LPA: variants seen among roughly 807,000 people sequenced by gnomAD.
LPA encodes the protein lipoprotein(a), also known as apolipoprotein(a).
Under a neutral mutation model 197.9 loss-of-function variants are expected in LPA, and 199 were observed. That is an observed-to-expected ratio of 1.01 (90% confidence interval 0.90 to 1.13). The LOEUF (loss-of-function observed/expected upper bound fraction) is 1.13. Among genes scored for constraint, LPA ranks in the 50% most tolerant of loss-of-function variants. The pLI, the probability that LPA is intolerant of heterozygous loss-of-function variation, is 0.00. For synonymous variants in LPA, 715 were observed against 639.5 expected, an observed-to-expected ratio of 1.12 and a Z score of -1.78; for missense variants, 1,853 against 1,785.8, an observed-to-expected ratio of 1.04 and a Z score of -0.68.
intron 1 of LPA, among the ~76,000 whole-genome samples, chr6:160,652,368 A>C (rs746093227): frequency 3.9e-5 from 6 of 152,176 alleles, no homozygotes; most frequent in Non-Finnish European, 8.8e-5. Context: ...GAAACTATTC[A>C]AAACGGAATA....
chr6:160,557,768 A>G (rs1778290425), intron 28 of LPA, among the ~76,000 whole-genome samples, 197 bp from the exon 29 acceptor site: 1 of 152,152 alleles, frequency 6.6e-6, no homozygotes, highest in Non-Finnish European at 1.5e-5. Flanking sequence ...ATAGATTATA[A>G]TTTTTATTTT....
intron 24 of LPA, among the ~76,000 whole-genome samples, chr6:160,588,539 A>C (rs1401680651): frequency 6.6e-6 from 1 of 152,038 alleles, no homozygotes; most frequent in Non-Finnish European, 1.5e-5. Context: ...TTCTTTCCCA[A>C]GTAGCTTTTC....
At chr6:160,540,233 G>GATAC in intron 35 of LPA, 50 bp from the exon 36 acceptor site, 1 of 1,611,794 alleles carries the variant, frequency 6.2e-7, no homozygotes. Context: ...GCCCCTTCAG[G>GATAC]TATCCTCTGT....
intron 16 of LPA, among the ~76,000 whole-genome samples, chr6:160,609,406 C>G (rs1216249328): frequency 6.6e-6 from 1 of 152,106 alleles, no homozygotes. Flanking sequence ...CAATTTGTAT[C>G]ACTGTACTCT....
At chr6:160,571,415 T>C (rs982048227) in intron 28 of LPA, among the ~76,000 whole-genome samples, 1 of 152,164 alleles carries the variant, frequency 6.6e-6, no homozygotes, top group Non-Finnish European at 1.5e-5. Context: ...TGTTGGGGGA[T>C]CTGGTGCTCT....
rs190981563 is a variant in LPA, at chr6:160,538,438, C to T, written c.5736-477G>A. Among the ~76,000 whole-genome samples the T allele has an allele frequency of 1.4e-4, 22 of 152,236 alleles. No homozygotes were observed. In the South Asian group the frequency reaches 4.2e-3, roughly 29 times the overall value. On this transcript the variant is annotated intron_variant, in intron 36 of 38. Coordinates refer to ENST00000316300, the MANE Select transcript of LPA (RefSeq NM_005577.4). ...TTCCTCCTCGTGAATGTTACTAAAC[C>T]GTGGTGGTAAGAATGCAGTAAAATG...
At chr6:160,532,148 T>C (rs1777817140) in intron 38 of LPA, among the ~76,000 whole-genome samples, 2 of 152,150 alleles carry the variant, frequency 1.3e-5, no homozygotes, top group Admixed American at 1.3e-4. Context: ...TAACTTGGTG[T>C]TTCCTTTAGA....
chr6:160,576,048 C>T (rs1034380021), intron 28 of LPA, among the ~76,000 whole-genome samples: 2 of 152,112 alleles, frequency 1.3e-5, no homozygotes, highest in Non-Finnish European at 2.9e-5. Flanking sequence ...GGGTTGATCA[C>T]ATTTGTTTTC....
chr6:160,556,245 T>G, intron 29 of LPA, 61 bp from the exon 30 acceptor site: 1 of 1,518,852 alleles, frequency 6.6e-7, no homozygotes, highest in Middle Eastern at 1.7e-4. Flanking sequence ...TGAAGCAATT[T>G]ATGACACAAA....
intron 24 of LPA, among the ~76,000 whole-genome samples, chr6:160,587,970 G>A (rs761352025): frequency 5.3e-5 from 8 of 151,978 alleles, no homozygotes; most frequent in South Asian, 2.1e-4. Flanking sequence ...TTGGCTCTCC[G>A]GTTCTTTTCT....
chr6:160,590,206 A>C (rs901730766), intron 23 of LPA, among the ~76,000 whole-genome samples: 6 of 152,258 alleles, frequency 3.9e-5, no homozygotes, highest in African/African-American at 1.4e-4. Flanking sequence ...GCAAAGACAC[A>C]TTGTCTCTCA....
At chr6:160,579,755 A>C (rs1339702598) in intron 26 of LPA, among the ~76,000 whole-genome samples, 1 of 151,730 alleles carries the variant, frequency 6.6e-6, no homozygotes, top group African/African-American at 2.4e-5. Context: ...CTCTGTAGAG[A>C]CTCTACACAT....
At chr6:160,635,477 T>C (rs1779798645) in intron 6 of LPA, among the ~76,000 whole-genome samples, 173 bp from the exon 7 acceptor site, 1 of 98,996 alleles carries the variant, frequency 1.0e-5, no homozygotes, top group Non-Finnish European at 2.0e-5. Context: ...TAATCCTCTC[T>C]GCACATCTCT....
At chr6:160,594,836 C>A (rs1407980499) in intron 21 of LPA, among the ~76,000 whole-genome samples, 1 of 152,130 alleles carries the variant, frequency 6.6e-6, no homozygotes, top group East Asian at 1.9e-4. Flanking sequence ...GGAGATAGGC[C>A]AGAACGATGG....
At chr6:160,593,837 T>G in intron 22 of LPA, 121 bp downstream of exon 22, 4 of 1,268,820 alleles carry the variant, frequency 3.2e-6, no homozygotes, top group Non-Finnish European at 4.6e-6. Context: ...GCCTGAGACA[T>G]TCTACCCAAC....
intron 2 of LPA, among the ~76,000 whole-genome samples, chr6:160,649,721 C>T (rs938573741): frequency 3.3e-5 from 5 of 152,146 alleles, no homozygotes; most frequent in African/African-American, 1.2e-4. Context: ...AAAGACTGGC[C>T]ATGGTGTGGT....
chr6:160,606,144 A>T (rs569369959), intron 17 of LPA, among the ~76,000 whole-genome samples: 3 of 152,194 alleles, frequency 2.0e-5, no homozygotes, highest in Non-Finnish European at 4.4e-5. Flanking sequence ...GGAAAAGCTT[A>T]CTGGCTTGGA....
At chr6:160,564,654 A>G (rs1474982984) in intron 28 of LPA, among the ~76,000 whole-genome samples, 2 of 152,186 alleles carry the variant, frequency 1.3e-5, no homozygotes, top group South Asian at 2.1e-4. Flanking sequence ...GGCTTGTCAG[A>G]CAGTGGGTGC....
chr6:160,532,526 C>A lies in LPA; in HGVS notation c.5961+5G>T. 1.3e-6 allele frequency: 2 copies of A among 1,576,972 alleles called. No individual in the cohort carries two copies. Among genetic ancestry groups the A allele is most frequent in the East Asian group, 4.5e-5 (2 of 44,716 alleles). On this transcript the variant is annotated splice_donor_5th_base_variant and intron_variant, in intron 38 of 38. Transcript: ENST00000316300. ...CAAGACTTTGATCTATTGATCTTTT[C>A]TTACCTGGCAACTGTCAGTGCCTCT...
Sources: gnomAD v4.1 joint callset for allele counts (sites outside exome capture counted in the v4.1 genomes callset) on GRCh38, gnomAD v4.1.1 for gene constraint, MANE v1.5 for transcripts, NCBI Gene and HGNC (gene_info 2026-07-23, HGNC 2026-07-21) for gene names.